USP45: variants seen among roughly 807,000 people sequenced by gnomAD.
The protein encoded by USP45 is ubiquitin specific peptidase 45.
A neutral mutation model predicts 95.8 loss-of-function variants in USP45; 89 were observed. That is an observed-to-expected ratio of 0.93 (90% CI 0.78 to 1.11). The LOEUF is 1.11. Among genes scored for constraint, USP45 ranks in the 50% least tolerant of loss-of-function variants. The pLI, the probability that USP45 is intolerant of heterozygous loss-of-function variation, is 0.00. For synonymous variants in USP45, 281 were observed against 316.2 expected, an observed-to-expected ratio of 0.89 and a Z score of 1.18; for missense variants, 898 against 942.5, an observed-to-expected ratio of 0.95 and a Z score of 0.62.
intron 16 of USP45, among the ~76,000 whole-genome samples, chr6:99,439,284 C>T (rs1344987184): frequency 1.3e-5 from 2 of 152,210 alleles, no homozygotes; most frequent in African/African-American, 4.8e-5. Flanking sequence ...AGTCTGCTTT[C>T]TGTACCTAAT....
chr6:99,508,927 T>C (rs992715507), intron 2 of USP45, 145 bp from the exon 3 acceptor site: 2 of 629,454 alleles, frequency 3.2e-6, no homozygotes, highest in African/African-American at 1.9e-5. Context: ...ATATATGCTA[T>C]ATAATTCCAT....
chr6:99,436,937 T>TA (rs1362711997), intron 17 of USP45, among the ~76,000 whole-genome samples: 2 of 152,112 alleles, frequency 1.3e-5, no homozygotes, highest in Admixed American at 6.5e-5. Context: ...CCGTCTCTAC[T>TA]AAAAATATAA....
chr6:99,465,225 G>A, intron 11 of USP45, 89 bp from the exon 12 acceptor site: 6 of 1,103,772 alleles, frequency 5.4e-6, no homozygotes, highest in Admixed American at 2.6e-5. Context: ...AACTTCCCGG[G>A]CAACCTAAAA....
chr6:99,502,073 T>C (rs959999975), intron 5 of USP45: 6 of 1,245,204 alleles, frequency 4.8e-6, no homozygotes, highest in African/African-American at 3.2e-5. Context: ...TAAATCAATA[T>C]GGCCAATGAT....
At chr6:99,445,489 A>C (rs191956490) in intron 14 of USP45, among the ~76,000 whole-genome samples, 200 of 152,226 alleles carry the variant, frequency 1.3e-3, no homozygotes, top group African/African-American at 4.4e-3. Context: ...TCTCCAAAAA[A>C]AAAAAAAAAA....
chr6:99,443,506 AGGACTTAAT>A, intron 15 of USP45, 50 bp downstream of exon 15: 1 of 1,181,846 alleles, frequency 8.5e-7, no homozygotes, highest in Non-Finnish European at 1.2e-6. Flanking sequence ...AATATTCTAT[AGGACTTAAT>A]GCTCTGTAAA....
chr6:99,494,584 A>ATT (rs765411741), intron 5 of USP45, among the ~76,000 whole-genome samples: 110 of 152,202 alleles, frequency 7.2e-4, no homozygotes, highest in Non-Finnish European at 1.1e-3. Flanking sequence ...TAGAGATCCT[A>ATT]TAACTATCTT....
At chr6:99,439,987 A>G (rs1781228176) in intron 15 of USP45, 132 bp from the exon 16 acceptor site, 1 of 498,840 alleles carries the variant, frequency 2.0e-6, no homozygotes, top group Non-Finnish European at 3.5e-6. Flanking sequence ...TGTATAGTCT[A>G]AAATTAATAT....
intron 8 of USP45, among the ~76,000 whole-genome samples, chr6:99,478,854 C>T (rs1230687250): frequency 2.0e-5 from 3 of 152,014 alleles, no homozygotes; most frequent in African/African-American, 4.8e-5. Context: ...TGATAATCAC[C>T]ACTATAACAG....
Position 99,434,617 on chromosome 6 carries a change from G to T in USP45, c.*1099C>A, listed in dbSNP as rs1780174554. 6.6e-6 allele frequency: 1 copy of T among 152,092 alleles called. No homozygotes were observed. The highest frequency in any genetic ancestry group is 1.5e-5 in the Non-Finnish European group (1 of 67,994). 9.4% of individuals were successfully genotyped at this position (152,092 alleles called of 1,614,324 possible). A position where few individuals can be genotyped will look rare whatever the true frequency, so the allele number is the denominator to read the frequency against. Reference sequence around the variant, plus strand: ...AGAAAATCAAAAATGCCAGCTTAATGCCCCATTAAAAGCTAAATTCACCTG... The same window carrying T: ...AGAAAATCAAAAATGCCAGCTTAATTCCCCATTAAAAGCTAAATTCACCTG... On this transcript the variant is annotated 3_prime_UTR_variant, in exon 18 of 18. Transcript: ENST00000500704.
intron 4 of USP45, 104 bp from the exon 5 acceptor site, chr6:99,503,969 A>G: frequency 2.7e-6 from 2 of 741,434 alleles, no homozygotes; most frequent in Non-Finnish European, 4.1e-6. Flanking sequence ...TTTAAATTAC[A>G]TGGGAGGGAA....
At chr6:99,499,272 T>C (rs980082524) in intron 5 of USP45, among the ~76,000 whole-genome samples, 2 of 152,218 alleles carry the variant, frequency 1.3e-5, no homozygotes, top group Admixed American at 1.3e-4. Flanking sequence ...ATCATACTTA[T>C]CCTCTCACCC....
intron 10 of USP45, 124 bp downstream of exon 10, chr6:99,468,413 A>G (rs1788508555): frequency 1.5e-6 from 1 of 658,924 alleles, no homozygotes; most frequent in South Asian, 1.9e-5. Context: ...TGCAGCAACT[A>G]CGTCCTCCTT....
intron 15 of USP45, among the ~76,000 whole-genome samples, chr6:99,442,427 TCTC>T (rs1242911314): frequency 1.4e-4 from 21 of 152,238 alleles, no homozygotes; most frequent in East Asian, 3.9e-4. Flanking sequence ...TGGAGAAAAA[TCTC>T]CTCTCGCACA....
At position 99,445,859 on chromosome 6, in the gene USP45, T is replaced by C; in HGVS notation, c.1913A>G (p.Lys638Arg). 1 of 1,608,500 alleles carries C rather than the reference T, an allele frequency of 6.2e-7. No individual in the cohort carries two copies. Among genetic ancestry groups the C allele is most frequent in the Non-Finnish European group, 8.5e-7 (1 of 1,178,656 alleles). ...TSMELLMGNN[K>R]LLCENCTKNK... The stretch of plus-strand genomic sequence containing the variant: ...TTTAGTACAATTCTCACATAGAAGC[T>C]TATTATTCCCCATTAGTAATTCCAT... The change falls in exon 14 of 18, where the codon AAG becomes AGG. Residue 638 changes from lysine to arginine, a missense_variant. By Grantham distance (26) the Lys-to-Arg change is conservative. Coordinates refer to ENST00000500704, the MANE Select transcript of USP45 (RefSeq NM_001346022.3).
At chr6:99,462,272 C>T (rs1786651891) in intron 13 of USP45, 1 of 984,884 alleles carries the variant, frequency 1.0e-6, no homozygotes, top group Non-Finnish European at 1.2e-6. Flanking sequence ...ATGTGGTGTC[C>T]AGATCTTTGA....
chr6:99,498,027 C>T (rs1226665630), intron 5 of USP45, among the ~76,000 whole-genome samples: 1 of 152,176 alleles, frequency 6.6e-6, no homozygotes, highest in Non-Finnish European at 1.5e-5. Context: ...CCAAATTGTT[C>T]TCACGGTCCC....
At chr6:99,498,076 G>A (rs1224497073) in intron 5 of USP45, among the ~76,000 whole-genome samples, 6 of 152,140 alleles carry the variant, frequency 3.9e-5, no homozygotes. Flanking sequence ...AAACAGGCAA[G>A]TATAACTAAG....
At chr6:99,505,535 G>A (rs973590408) in intron 4 of USP45, among the ~76,000 whole-genome samples, 5 of 150,976 alleles carry the variant, frequency 3.3e-5, no homozygotes, top group Admixed American at 6.6e-5. Flanking sequence ...GCGTGGTGGC[G>A]GGCACCTGTA....
Sources: gnomAD v4.1 joint callset for allele counts (sites outside exome capture counted in the v4.1 genomes callset) on GRCh38, gnomAD v4.1.1 for gene constraint, MANE v1.5 for transcripts, NCBI Gene and HGNC (gene_info 2026-07-23, HGNC 2026-07-21) for gene names.